Variants in PRIMPOL observed in about 807,000 individuals in gnomAD.
PRIMPOL encodes primase and DNA directed polymerase.
A neutral mutation model predicts 63.6 loss-of-function variants in PRIMPOL; 54 were observed. The observed-to-expected ratio is 0.85, with a 90% CI of 0.68 to 1.07. The LOEUF is 1.07. Ranked by LOEUF, PRIMPOL falls within the 50% of genes least tolerant of loss-of-function variation. The probability of loss-of-function intolerance (pLI) is 0.00; values close to 1 mark genes in which losing one functional copy is unlikely to be tolerated. For synonymous variants in PRIMPOL, 197 were observed against 220.2 expected, an observed-to-expected ratio of 0.89 and a Z score of 0.93; for missense variants, 610 against 648.3, an observed-to-expected ratio of 0.94 and a Z score of 0.64.
intron 2 of PRIMPOL, among the ~76,000 whole-genome samples, chr4:184,654,008 A>T (rs973224522): frequency 1.3e-5 from 2 of 152,218 alleles, no homozygotes. Flanking sequence ...GGGGCATGAC[A>T]TATACTGAAC....
intron 13 of PRIMPOL, among the ~76,000 whole-genome samples, chr4:184,692,612 A>G (rs953838078): frequency 6.7e-5 from 10 of 149,796 alleles, no homozygotes; most frequent in Non-Finnish European, 1.2e-4. Flanking sequence ...GAATTTATGT[A>G]TGCTCATTTT....
intron 6 of PRIMPOL, among the ~76,000 whole-genome samples, chr4:184,668,199 G>C (rs1750605551): frequency 6.6e-6 from 1 of 152,180 alleles, no homozygotes; most frequent in South Asian, 2.1e-4. Flanking sequence ...TCCCCACACA[G>C]ATGGTTCCAA....
chr4:184,658,244 C>T (rs1747154587), intron 3 of PRIMPOL, among the ~76,000 whole-genome samples: 1 of 152,058 alleles, frequency 6.6e-6, no homozygotes, highest in East Asian at 1.9e-4. Flanking sequence ...TAGGCTTACT[C>T]AAATCTCATG....
rs57234973 is a variant in PRIMPOL at position 184,670,545 on chromosome 4, A to ATTTTTT, written c.557-1615_557-1610dup. Among the ~76,000 whole-genome samples, 167 of 136,666 alleles carry ATTTTTT rather than the reference A, an allele frequency of 1.2e-3. 2 individuals are homozygous for ATTTTTT. The highest frequency in any genetic ancestry group is 4.4e-3 in the African/African-American group (162 of 36,452). The allele number at this position is 136,666 out of a possible 152,430, so 89.7% of individuals were successfully genotyped here. A position where few individuals can be genotyped will look rare whatever the true frequency, so the allele number is the denominator to read the frequency against. Reference sequence around the variant, plus strand: ...ATTTGTTTCTTTGAGTAGGAAAGTAATTTTTTTTTTTTTTTTTTGTGAGAC... The same window carrying ATTTTTT: ...ATTTGTTTCTTTGAGTAGGAAAGTAATTTTTTTTTTTTTTTTTTTTTTTTGTGAGAC... On this transcript the variant is annotated intron_variant, in intron 6 of 13. Transcript: ENST00000314970.
At chr4:184,655,223 T>C (rs981211077) in intron 2 of PRIMPOL, among the ~76,000 whole-genome samples, 1 of 151,948 alleles carries the variant, frequency 6.6e-6, no homozygotes, top group Non-Finnish European at 1.5e-5. Context: ...TTGGTCAGGC[T>C]GGTCTCGAAC....
At position 184,657,212 on chromosome 4, in the gene PRIMPOL, G is replaced by A. The variant is rs957901437; in HGVS notation, c.72G>A (p.Leu24=). 6 of 1,613,390 alleles carry A rather than the reference G, an allele frequency of 3.7e-6. No homozygotes were observed. The highest frequency in any genetic ancestry group is 4.2e-6 in the Non-Finnish European group (5 of 1,179,790). Residue 24 remains leucine (L), a synonymous_variant, in exon 3 of 14, where the codon TTG becomes TTA. Transcript: ENST00000314970. ...ERASHYERKP[L]SSVYRPRLSK... The stretch of plus-strand genomic sequence containing the variant: ...CATCTCATTATGAGAGGAAACCGTT[G>A]TCCTCAGTGTATAGACCAAGATTGT...
intron 1 of PRIMPOL, among the ~76,000 whole-genome samples, chr4:184,651,290 C>CAAAAAAAAAAAAAAAAAAAA (rs1203681677): frequency 2.1e-5 from 3 of 143,926 alleles, no homozygotes; most frequent in African/African-American, 8.5e-5. Flanking sequence ...GACTCTGTCT[C>CAAAAAAAAAAAAAAAAAAAA]AAAAAAAAGA....
intron 4 of PRIMPOL, 148 bp downstream of exon 4, chr4:184,659,585 C>T (rs1747677295): frequency 3.0e-6 from 2 of 673,262 alleles, no homozygotes; most frequent in Non-Finnish European, 5.3e-6. Context: ...CTGGAGTTTT[C>T]TTGTCATAGC....
intron 7 of PRIMPOL, among the ~76,000 whole-genome samples, chr4:184,675,511 C>T (rs1240378154): frequency 6.6e-6 from 1 of 152,018 alleles, no homozygotes. Context: ...TTGTAAGTCC[C>T]CCCAAAATTT....
intron 13 of PRIMPOL, among the ~76,000 whole-genome samples, chr4:184,692,383 A>G (rs1758844764): frequency 6.8e-6 from 1 of 147,114 alleles, no homozygotes; most frequent in Non-Finnish European, 1.5e-5. Flanking sequence ...CTGAGGCAGG[A>G]GAATCCCTTG....
At chr4:184,654,246 G>A (rs1026118778) in intron 2 of PRIMPOL, among the ~76,000 whole-genome samples, 2 of 152,212 alleles carry the variant, frequency 1.3e-5, no homozygotes, top group African/African-American at 4.8e-5. Context: ...AGATTCAGAT[G>A]TGATTGCATT....
chr4:184,693,446 A>G (rs1200253049), intron 13 of PRIMPOL, among the ~76,000 whole-genome samples: 3 of 152,208 alleles, frequency 2.0e-5, no homozygotes, highest in Non-Finnish European at 4.4e-5. Flanking sequence ...CTACTTGGAC[A>G]TAACTTTTTA....
At chr4:184,650,140 T>C (rs751529936) in intron 1 of PRIMPOL, among the ~76,000 whole-genome samples, 2 of 152,244 alleles carry the variant, frequency 1.3e-5, no homozygotes, top group Non-Finnish European at 2.9e-5. Context: ...CACTTGCTGG[T>C]CACTGGGTAG....
In PRIMPOL at chr4:184,692,779, T is replaced by C. The variant is rs1467597808; in HGVS notation, c.1425+1067T>C. Among the ~76,000 whole-genome samples the C allele has an allele frequency of 2.0e-5, 3 of 152,292 alleles. No homozygotes were observed. In the East Asian group the frequency reaches 5.8e-4, roughly 29 times the overall value. ...TGAGAGCACCTATTACCTCACACTT[T>C]GCCAGCAGTGCTTGTTTACCTCGAA... On this transcript the variant is annotated intron_variant, in intron 13 of 13. Coordinates refer to ENST00000314970, the MANE Select transcript of PRIMPOL (RefSeq NM_152683.4).
rs989169491 is a variant in PRIMPOL, at chr4:184,678,408, G to A, written c.1007+14G>A. ...CAGCAATGTCAGGTATGTAGTAGCA[G>A]CATCAAACCATTTTGTATTCATGAA... is the stretch of plus-strand genomic sequence containing the variant. On this transcript the variant is annotated intron_variant, in intron 8 of 13. Coordinates refer to ENST00000314970, the MANE Select transcript of PRIMPOL (RefSeq NM_152683.4). 6.4e-6 allele frequency: 10 copies of A among 1,571,408 alleles called. No individual in the cohort carries two copies. Among genetic ancestry groups the A allele is most frequent in the African/African-American group, 1.4e-5 (1 of 72,846 alleles).
At chr4:184,669,642 C>A (rs75305316) in intron 6 of PRIMPOL, among the ~76,000 whole-genome samples, 3 of 152,186 alleles carry the variant, frequency 2.0e-5, no homozygotes, top group Admixed American at 2.0e-4. Flanking sequence ...AGATGGCATT[C>A]ATCTGGGCTT....
At chr4:184,690,462 C>T (rs1037892073) in intron 11 of PRIMPOL, among the ~76,000 whole-genome samples, 24 of 151,562 alleles carry the variant, frequency 1.6e-4, no homozygotes, top group South Asian at 2.1e-4. Context: ...TATTTATTTA[C>T]TTATTTATTT....
At chr4:184,671,271 CCTAGGGG>C (rs1403766090) in intron 6 of PRIMPOL, among the ~76,000 whole-genome samples, 2 of 152,094 alleles carry the variant, frequency 1.3e-5, no homozygotes, top group Non-Finnish European at 2.9e-5. Flanking sequence ...GGAGCAGCAG[CCTAGGGG>C]CTGACGGCTG....
In PRIMPOL at chr4:184,661,891, A is replaced by G; in HGVS notation, c.396A>G (p.Ala132=). The change falls in exon 5 of 14, where the codon GCA becomes GCG. Residue 132 remains alanine (A), a synonymous_variant. Coordinates refer to ENST00000314970, the MANE Select transcript of PRIMPOL (RefSeq NM_152683.4). ...GAGCTGATGGGAAAAAGATGGTTGC[A>G]TTACTCATTGAGGTAAATGGCCAAC... ...NPGADGKKMV[A]LLIEYVCKAL... is the part of the protein sequence containing the mutation. 6.2e-7 allele frequency: 1 copy of G among 1,612,378 alleles called. No individual in the cohort carries two copies. Among genetic ancestry groups the G allele is most frequent in the Non-Finnish European group, 8.5e-7 (1 of 1,179,118 alleles).
Sources: gnomAD v4.1 joint callset for allele counts (sites outside exome capture counted in the v4.1 genomes callset) on GRCh38, gnomAD v4.1.1 for gene constraint, MANE v1.5 for transcripts, NCBI Gene and HGNC (gene_info 2026-07-23, HGNC 2026-07-21) for gene names.